EQTN: variants seen among roughly 807,000 people sequenced by gnomAD.
EQTN encodes the protein Acrosome formation associated factor.
A neutral mutation model predicts 26.9 loss-of-function variants in EQTN; 29 were observed. The ratio of observed to expected loss-of-function variants is 1.08; its 90% CI spans 0.80 to 1.47. The LOEUF is 1.47. Ranked by LOEUF, EQTN falls within the 40% of genes most tolerant of loss-of-function variation. The pLI is 0.00. For missense variants in EQTN, 391 were observed against 346.1 expected (o/e 1.13, Z -1.03); for synonymous variants, 129 against 120.0 (o/e 1.07, Z -0.49).
chr9:27,285,417 C>T (rs10967859), intron 7 of EQTN, among the ~76,000 whole-genome samples: 24,172 of 152,110 alleles, frequency 0.16, 2,012 homozygotes, highest in Admixed American at 0.19. Context: ...TCTGGGATTA[C>T]AGGTGTGAGC....
intron 3 of EQTN, among the ~76,000 whole-genome samples, chr9:27,293,799 G>A (rs958933175): frequency 1.3e-5 from 2 of 152,144 alleles, no homozygotes; most frequent in Non-Finnish European, 2.9e-5. Context: ...AAATCCCAAG[G>A]TTTGAAATTG....
intron 3 of EQTN, among the ~76,000 whole-genome samples, chr9:27,293,004 G>A (rs1820267966): frequency 6.6e-6 from 1 of 152,232 alleles, no homozygotes; most frequent in Non-Finnish European, 1.5e-5. Flanking sequence ...TCTGTAATGG[G>A]TCCCTCTAGA....
intron 3 of EQTN, among the ~76,000 whole-genome samples, chr9:27,292,916 T>G (rs756584187): frequency 2.6e-5 from 4 of 152,114 alleles, no homozygotes; most frequent in Non-Finnish European, 5.9e-5. Flanking sequence ...TGTTTGTAAA[T>G]TGGAAACAGA....
At chr9:27,293,021 T>C (rs1271031208) in intron 3 of EQTN, among the ~76,000 whole-genome samples, 2 of 152,312 alleles carry the variant, frequency 1.3e-5, no homozygotes, top group East Asian at 1.9e-4. Context: ...TAGAGGAATG[T>C]CACTAAGGGA....
Position 27,296,634 on chromosome 9 carries a change from A to G in EQTN, c.181T>C (p.Tyr61His). 1 of 1,546,916 alleles carries G rather than the reference A, an allele frequency of 6.5e-7. No individual in the cohort carries two copies. The highest frequency in any genetic ancestry group is 8.9e-7 in the Non-Finnish European group (1 of 1,123,878). Residue 61 changes from tyrosine (Y) to histidine (H), a missense_variant, in exon 2 of 8, where the codon TAT (tyrosine) becomes CAT (histidine). Tyr to His is a moderately conservative substitution (Grantham distance 83). Coordinates refer to ENST00000380032, the MANE Select transcript of EQTN (RefSeq NM_020641.3). The part of the protein sequence containing the change: ...YAPANEKNGN[Y>H]YKDIKQYVFT... ...TTACATTGTTTTATATCTTTATAAT[A>G]ATTGCCATTTTTCTCATTAGCAGGA...
At chr9:27,285,450 C>T (rs1328237016) in intron 7 of EQTN, among the ~76,000 whole-genome samples, 1 of 152,096 alleles carries the variant, frequency 6.6e-6, no homozygotes, top group East Asian at 1.9e-4. Flanking sequence ...CCTAGTTTTT[C>T]TTTCATTGTA....
chr9:27,292,585 CAAAG>C, intron 3 of EQTN, 98 bp from the exon 4 acceptor site: 1 of 620,978 alleles, frequency 1.6e-6, no homozygotes, highest in Non-Finnish European at 2.7e-6. Flanking sequence ...TATTATGGAA[CAAAG>C]AAAAGGAGAG....
rs1352205210 is a variant in EQTN at position 27,284,915 on chromosome 9, G to C, written c.693C>G (p.Tyr231Ter). 1 of 1,614,114 alleles carries C rather than the reference G, an allele frequency of 6.2e-7. No individual in the cohort carries two copies. Among genetic ancestry groups the C allele is most frequent in the Admixed American group, 1.7e-5 (1 of 60,024 alleles). ...CTGAAACACCTTCTGATGGATGAAAGTAAGACATCGTGGCCAGCTCTGGGT... is the reference window on the plus strand; with the variant it reads ...CTGAAACACCTTCTGATGGATGAAACTAAGACATCGTGGCCAGCTCTGGGT... ...SVNPELATMS[Y>*]FHPSEGVSDT... Residue 231 changes from tyrosine to a stop codon, truncating the protein, a stop_gained, in exon 8 of 8, where the codon TAC becomes TAG. Coordinates refer to ENST00000380032, the MANE Select transcript of EQTN (RefSeq NM_020641.3). LOFTEE classifies it low-confidence loss of function (END_TRUNC).
At chr9:27,289,828 T>C (rs1692580539) in intron 5 of EQTN, 97 bp from the exon 6 acceptor site, 2 of 868,136 alleles carry the variant, frequency 2.3e-6, no homozygotes, top group Non-Finnish European at 3.5e-6. Flanking sequence ...ACCCAGTGTG[T>C]GTACAGTCTG....
Position 27,297,123 on chromosome 9 carries a change from C to CA in EQTN, c.-69dup. The CA allele has an allele frequency of 8.9e-7, 1 of 1,122,526 alleles. No individual in the cohort carries two copies. The highest frequency in any genetic ancestry group is 1.3e-6 in the Non-Finnish European group (1 of 766,010). The allele number at this position is 1,122,526 out of a possible 1,614,324, so 69.5% of individuals were successfully genotyped here. A position where few individuals can be genotyped will look rare whatever the true frequency, so the allele number is the denominator to read the frequency against. On this transcript the variant is annotated 5_prime_UTR_variant, in exon 1 of 8. Transcript: ENST00000380032. ...CCAGAGCCTCCTTTCTGTGGCCCAG[C>CA]AGGTCCTGTGTCTAACTAGGACATT...
intron 6 of EQTN, among the ~76,000 whole-genome samples, 187 bp from the exon 7 acceptor site, chr9:27,286,549 C>T (rs1185358107): frequency 6.6e-6 from 1 of 152,190 alleles, no homozygotes; most frequent in African/African-American, 2.4e-5. Context: ...ATTAACTTGC[C>T]TCTTTAACCT....
intron 6 of EQTN, among the ~76,000 whole-genome samples, chr9:27,286,602 G>A (rs1820130229): frequency 2.0e-5 from 3 of 152,212 alleles, no homozygotes; most frequent in Admixed American, 6.5e-5. Flanking sequence ...CCATTTTACA[G>A]TATCACAGAA....
At chr9:27,294,939 C>T (rs112136818) in intron 2 of EQTN, among the ~76,000 whole-genome samples, 210 of 152,236 alleles carry the variant, frequency 1.4e-3, no homozygotes, top group African/African-American at 4.9e-3. Context: ...TATATATTCC[C>T]CCCGCCAAAG....
chr9:27,286,060 C>T, intron 7 of EQTN, 149 bp downstream of exon 7: 3 of 761,722 alleles, frequency 3.9e-6, no homozygotes, highest in Non-Finnish European at 6.2e-6. Flanking sequence ...CAGTCCCGTG[C>T]TCCATCCGAA....
At chr9:27,288,115 C>T (rs2038571) in intron 6 of EQTN, among the ~76,000 whole-genome samples, 47,238 of 151,928 alleles carry the variant, frequency 0.31, 8,181 homozygotes, top group African/African-American at 0.46. Context: ...TTTCTTGAAG[C>T]GCCACAAGGC....
At chr9:27,288,816 G>C (rs900986083) in intron 6 of EQTN, among the ~76,000 whole-genome samples, 1 of 152,152 alleles carries the variant, frequency 6.6e-6, no homozygotes, top group Non-Finnish European at 1.5e-5. Context: ...AAACTATAGC[G>C]ATAGTAAAAA....
At chr9:27,294,512 T>G in intron 2 of EQTN, 110 bp from the exon 3 acceptor site, 2 of 497,850 alleles carry the variant, frequency 4.0e-6, no homozygotes, top group Non-Finnish European at 6.8e-6. Context: ...AAAAAAAAAT[T>G]AAAAAAGTTA....
chr9:27,295,481 T>C (rs982783324), intron 2 of EQTN, among the ~76,000 whole-genome samples: 1 of 152,210 alleles, frequency 6.6e-6, no homozygotes, highest in Non-Finnish European at 1.5e-5. Context: ...AAAAACATAA[T>C]GTTTTATCCC....
chr9:27,289,299 C>G (rs1326604446), intron 6 of EQTN, among the ~76,000 whole-genome samples: 3 of 152,168 alleles, frequency 2.0e-5, no homozygotes, highest in African/African-American at 7.2e-5. Flanking sequence ...TGCTTGGGAA[C>G]TATAACTCTC....
Sources: gnomAD v4.1 joint callset for allele counts (sites outside exome capture counted in the v4.1 genomes callset) on GRCh38, gnomAD v4.1.1 for gene constraint, MANE v1.5 for transcripts, NCBI Gene and HGNC (gene_info 2026-07-23, HGNC 2026-07-21) for gene names.